PLXNC1: variants seen among roughly 807,000 people sequenced by gnomAD.
PLXNC1 encodes the protein plexin C1.
In PLXNC1, 75 loss-of-function variants were observed where a neutral mutation model predicts 178.2. The ratio of observed to expected loss-of-function variants is 0.42; its 90% CI spans 0.35 to 0.51. The LOEUF (loss-of-function observed/expected upper bound fraction) is 0.51. PLXNC1 is among the 20% of genes least tolerant of loss of function. PLXNC1 has a pLI of 0.02. For synonymous variants in PLXNC1, 790 were observed against 779.9 expected, an observed-to-expected ratio of 1.01 and a Z score of -0.22; for missense variants, 1,503 against 1,984.4, an observed-to-expected ratio of 0.76 and a Z score of 4.61.
chr12:94,282,593 C>A (rs976483155), intron 23 of PLXNC1, among the ~76,000 whole-genome samples, 192 bp downstream of exon 23: 1 of 152,222 alleles, frequency 6.6e-6, no homozygotes, highest in African/African-American at 2.4e-5. Context: ...GTACTTGTCA[C>A]GTATTCCCTT....
intron 5 of PLXNC1, among the ~76,000 whole-genome samples, chr12:94,215,335 A>G (rs899009346): frequency 3.3e-5 from 5 of 152,244 alleles, no homozygotes; most frequent in Admixed American, 3.3e-4. Flanking sequence ...GGCATGTTCT[A>G]CATTTCTTGG....
chr12:94,187,719 G>C (rs887769732), intron 4 of PLXNC1, among the ~76,000 whole-genome samples: 3 of 152,182 alleles, frequency 2.0e-5, no homozygotes, highest in African/African-American at 7.2e-5. Flanking sequence ...GAGTCAATTC[G>C]ATAATGGTGG....
intron 21 of PLXNC1, among the ~76,000 whole-genome samples, chr12:94,268,809 G>T (rs1305584843): frequency 6.6e-6 from 1 of 151,936 alleles, no homozygotes; most frequent in Non-Finnish European, 1.5e-5. Context: ...TGGCTAGCCT[G>T]GTCTTGAACT....
chr12:94,298,693 G>T lies in PLXNC1; in HGVS notation c.4136G>T (p.Arg1379Ile). ...AGCATTTGGAGTTTACCCAACAGCAGAGCTCCATTTGCTATAAAATACTTT... is the reference window on the plus strand; with the variant it reads ...AGCATTTGGAGTTTACCCAACAGCATAGCTCCATTTGCTATAAAATACTTT... The part of the protein sequence containing the change: ...FRSIWSLPNS[R>I]APFAIKYFFD... Residue 1379 changes from arginine (R) to isoleucine (I), a missense_variant, in exon 27 of 31, where the codon AGA becomes ATA. This residue lies in a region of PLXNC1 where 639 missense variants were observed against 979.7 expected (regional missense o/e 0.65). Transcript: ENST00000258526. 1 of 1,612,578 alleles carries T rather than the reference G, an allele frequency of 6.2e-7. No individual in the cohort carries two copies. Among genetic ancestry groups the T allele is most frequent in the South Asian group, 1.1e-5 (1 of 90,612 alleles).
intron 17 of PLXNC1, 94 bp downstream of exon 17, chr12:94,255,390 C>T (rs372152048): frequency 1.2e-5 from 10 of 863,080 alleles, no homozygotes; most frequent in East Asian, 7.4e-5. Context: ...GCTTCCAAGG[C>T]AGCTATAATG....
In PLXNC1 at chr12:94,296,659, C is replaced by CTCTA. The variant is rs1218590950; in HGVS notation, c.3935-526_3935-523dup. 2.6e-5 allele frequency among the ~76,000 whole-genome samples: 4 copies of CTCTA among 152,352 alleles called. No individual in the cohort carries two copies. In the East Asian group the frequency reaches 7.7e-4, roughly 29 times the overall value. Reference sequence around the variant, plus strand: ...ACCTTCCTGCAATTTGCCTAGCTGACTCTATCTCTTCATTAGATTCAGCTC... The same window carrying CTCTA: ...ACCTTCCTGCAATTTGCCTAGCTGACTCTATCTATCTCTTCATTAGATTCAGCTC... On this transcript the variant is annotated intron_variant, in intron 24 of 30. Coordinates refer to ENST00000258526, the MANE Select transcript of PLXNC1 (RefSeq NM_005761.3).
intron 4 of PLXNC1, among the ~76,000 whole-genome samples, chr12:94,188,438 C>T (rs534220583): frequency 1.3e-4 from 19 of 151,402 alleles, no homozygotes; most frequent in Admixed American, 4.6e-4. Context: ...ATTCTCCTGC[C>T]GCAGCCTCCC....
intron 24 of PLXNC1, among the ~76,000 whole-genome samples, chr12:94,295,430 G>A (rs1967812739): frequency 6.6e-6 from 1 of 152,198 alleles, no homozygotes; most frequent in South Asian, 2.1e-4. Flanking sequence ...AAGTGGAAGA[G>A]CATGGTTTTT....
rs1039121574 is a variant in PLXNC1, at chr12:94,306,290, AAT to A, written c.*1014_*1015del. 86 of 152,058 alleles carry A rather than the reference AAT, an allele frequency of 5.7e-4. No individual in the cohort carries two copies. The highest frequency in any genetic ancestry group is 1.9e-3 in the African/African-American group (77 of 41,532). 9.4% of individuals were successfully genotyped at this position (152,058 alleles called of 1,614,324 possible). ...TGTTCACACTGGAGTATTATATATA[AAT>A]ATATATATTTGAGGCCCAAGGCCTG... On this transcript the variant is annotated 3_prime_UTR_variant, in exon 31 of 31. Coordinates refer to ENST00000258526, the MANE Select transcript of PLXNC1 (RefSeq NM_005761.3).
chr12:94,203,025 A>G (rs1963188112), intron 4 of PLXNC1, among the ~76,000 whole-genome samples: 1 of 152,026 alleles, frequency 6.6e-6, no homozygotes, highest in African/African-American at 2.4e-5. Context: ...TGATGAGAGG[A>G]ACAGGAAGTG....
chr12:94,305,102 C>A, intron 30 of PLXNC1, 79 bp from the exon 31 acceptor site: 1 of 800,998 alleles, frequency 1.2e-6, no homozygotes, highest in Non-Finnish European at 2.1e-6. Flanking sequence ...TTTTACCACT[C>A]ACAGCATCAG....
In PLXNC1 at chr12:94,305,308, C is replaced by T; in HGVS notation, c.*23C>T. ...TAAGCACTCTGGGGCCTGGCTTAAT[C>T]TGGCAAAGTTCTTCAGACGACTTGG... On this transcript the variant is annotated 3_prime_UTR_variant, in exon 31 of 31. Transcript: ENST00000258526. The T allele has an allele frequency of 6.8e-7, 1 of 1,472,042 alleles. No homozygotes were observed. The highest frequency in any genetic ancestry group is 9.4e-7 in the Non-Finnish European group (1 of 1,059,782). The allele number at this position is 1,472,042 out of a possible 1,614,324, so 91.2% of individuals were successfully genotyped here.
intron 23 of PLXNC1, among the ~76,000 whole-genome samples, chr12:94,285,133 G>A (rs907591766): frequency 2.6e-5 from 4 of 152,204 alleles, no homozygotes; most frequent in African/African-American, 4.8e-5. Context: ...TGACTGTGCA[G>A]ATGCCTGGAG....
chr12:94,172,351 A>G (rs1257842325), intron 2 of PLXNC1, among the ~76,000 whole-genome samples: 3 of 152,282 alleles, frequency 2.0e-5, no homozygotes, highest in East Asian at 1.9e-4. Flanking sequence ...GGAAACAGCA[A>G]TTGGGGCCCA....
intron 22 of PLXNC1, chr12:94,280,012 T>C (rs562774068): frequency 4.0e-5 from 15 of 377,930 alleles, no homozygotes; most frequent in Non-Finnish European, 6.1e-5. Context: ...GCATTTCACA[T>C]TGGCATTTGA....
chr12:94,251,390 C>G, intron 14 of PLXNC1, 36 bp from the exon 15 acceptor site: 3 of 1,232,018 alleles, frequency 2.4e-6, no homozygotes, highest in Non-Finnish European at 3.6e-6. Flanking sequence ...CAGTCCCCAA[C>G]TCAATTGGGT....
chr12:94,221,432 G>A lies in PLXNC1; in HGVS notation c.1702+1269G>A, dbSNP rs147202624. On this transcript the variant is annotated intron_variant, in intron 6 of 30. Transcript: ENST00000258526. ...AAGCCAAGGGGGATGGAGAGAAGTG[G>A]ATTCAATAGATGGTCAGTAGGTACG... is the stretch of plus-strand genomic sequence containing the variant. Among the ~76,000 whole-genome samples, 146 of 152,248 alleles carry A rather than the reference G, an allele frequency of 9.6e-4. 2 individuals carry two copies. The highest frequency in any genetic ancestry group is 5.4e-3 in the Admixed American group (82 of 15,298).
At chr12:94,273,985 T>C (rs1336507939) in intron 21 of PLXNC1, among the ~76,000 whole-genome samples, 1 of 151,770 alleles carries the variant, frequency 6.6e-6, no homozygotes, top group Non-Finnish European at 1.5e-5. Flanking sequence ...AGTCACAAGA[T>C]GGCTGCCACC....
chr12:94,226,472 G>T, intron 7 of PLXNC1, 133 bp from the exon 8 acceptor site: 1 of 620,954 alleles, frequency 1.6e-6, no homozygotes, highest in East Asian at 2.9e-5. Flanking sequence ...AGCCTCACAG[G>T]AATGTCTGTC....
Sources: gnomAD v4.1 joint callset for allele counts (sites outside exome capture counted in the v4.1 genomes callset) on GRCh38, gnomAD v4.1.1 for gene constraint, gnomAD v4.1.1 regional missense constraint, MANE v1.5 for transcripts, NCBI Gene and HGNC (gene_info 2026-07-23, HGNC 2026-07-21) for gene names.